The following CCNH variants were observed in gnomAD, a reference collection of about 807,000 sequenced individuals.
CCNH encodes cyclin H, also known as cyclin-H.
CCNH carries 31 observed loss-of-function variants against 41.9 expected under a neutral mutation model. The ratio of observed to expected loss-of-function variants is 0.74; its 90% CI spans 0.56 to 1.00. CCNH has a LOEUF of 1.00. CCNH is among the 50% of genes least tolerant of loss of function. The probability of loss-of-function intolerance (pLI) is 0.00; values close to 1 mark genes in which losing one functional copy is unlikely to be tolerated. For missense variants in CCNH, 362 were observed against 388.4 expected (o/e 0.93, Z 0.57); for synonymous variants, 138 against 136.1 (o/e 1.01, Z -0.10).
intron 9 of CCNH, among the ~76,000 whole-genome samples, chr5:87,369,552 T>G (rs1760777907): frequency 6.6e-6 from 1 of 152,122 alleles, no homozygotes; most frequent in African/African-American, 2.4e-5. Context: ...GTAACTTTAT[T>G]TCTAATGTAT....
chr5:87,394,638 T>C (rs1762774463), intron 8 of CCNH, 154 bp from the exon 9 acceptor site: 3 of 1,450,528 alleles, frequency 2.1e-6, no homozygotes, highest in Admixed American at 2.6e-5. Flanking sequence ...CTGTTAGTAA[T>C]GTTGGCATGG....
At chr5:87,359,028 AATTT>A (rs966520079) in intron 9 of CCNH, among the ~76,000 whole-genome samples, 2 of 152,160 alleles carry the variant, frequency 1.3e-5, no homozygotes, top group Admixed American at 6.6e-5. Flanking sequence ...CATGTAGTAC[AATTT>A]ATTTATTTAT....
intron 5 of CCNH, among the ~76,000 whole-genome samples, chr5:87,403,973 T>A (rs893939020): frequency 3.9e-5 from 6 of 152,240 alleles, no homozygotes; most frequent in Non-Finnish European, 2.9e-5. Flanking sequence ...AGTGGAGATA[T>A]AAATCACTTT....
At chr5:87,326,947 A>C (rs927436329) in intron 9 of CCNH, among the ~76,000 whole-genome samples, 2 of 152,194 alleles carry the variant, frequency 1.3e-5, no homozygotes, top group Admixed American at 6.5e-5. Context: ...GGTAATTGAG[A>C]CTAAGATGAT....
chr5:87,374,246 G>T, downstream of CCNH: 2 of 1,599,144 alleles, frequency 1.3e-6, no homozygotes, highest in South Asian at 1.1e-5. Flanking sequence ...ACATCTACCT[G>T]AATAGTGTCC....
At chr5:87,338,806 T>C (rs191452840) in intron 9 of CCNH, among the ~76,000 whole-genome samples, 11 of 151,966 alleles carry the variant, frequency 7.2e-5, no homozygotes, top group Admixed American at 6.6e-4. Flanking sequence ...AATATATATA[T>C]AATTTTCCAG....
intron 9 of CCNH, among the ~76,000 whole-genome samples, chr5:87,363,829 C>T (rs1007018171): frequency 6.6e-6 from 1 of 151,876 alleles, no homozygotes; most frequent in African/African-American, 2.4e-5. Flanking sequence ...CTCAGTGTAC[C>T]CAAGAGTACT....
chr5:87,348,519 A>G (rs943196311), intron 9 of CCNH, among the ~76,000 whole-genome samples: 2 of 152,020 alleles, frequency 1.3e-5, no homozygotes, highest in Non-Finnish European at 2.9e-5. Flanking sequence ...GAGCATACCT[A>G]TTGAATAAAA....
intron 9 of CCNH, among the ~76,000 whole-genome samples, chr5:87,359,489 G>T (rs565838039): frequency 1.5e-4 from 23 of 152,120 alleles, no homozygotes; most frequent in African/African-American, 5.5e-4. Context: ...ACTTTAATAT[G>T]ATTTTTAAAA....
At chr5:87,389,340 C>CAAAA (rs368043768), downstream of CCNH, 1 of 1,575,114 alleles carries the variant, frequency 6.3e-7, no homozygotes, top group African/African-American at 1.4e-5. Context: ...TCAAAAAAAA[C>CAAAA]AAAAAAAAAG....
chr5:87,351,617 T>C (rs1759284302), intron 9 of CCNH, among the ~76,000 whole-genome samples: 1 of 151,876 alleles, frequency 6.6e-6, no homozygotes, highest in African/African-American at 2.4e-5. Context: ...TTTTCTGAGA[T>C]GTAAATCTGT....
intron 7 of CCNH, among the ~76,000 whole-genome samples, chr5:87,399,045 G>T (rs2112555421): frequency 6.6e-6 from 1 of 151,716 alleles, no homozygotes; most frequent in African/African-American, 2.4e-5. Flanking sequence ...GAGCATATTT[G>T]TTCCTCAGAC....
At chr5:87,410,130 C>G (rs1370777246) in intron 2 of CCNH, among the ~76,000 whole-genome samples, 19 of 152,098 alleles carry the variant, frequency 1.2e-4, no homozygotes, top group Admixed American at 1.2e-3. Context: ...AACCACTTAT[C>G]TATTTTATGA....
chr5:87,403,304 AG>A (rs910863392), intron 5 of CCNH, among the ~76,000 whole-genome samples: 40 of 152,226 alleles, frequency 2.6e-4, no homozygotes, highest in African/African-American at 9.6e-4. Context: ...AAGGAGCCAA[AG>A]GTATGGCAAT....
At chr5:87,346,050 T>C (rs1271140574) in intron 9 of CCNH, among the ~76,000 whole-genome samples, 1 of 152,110 alleles carries the variant, frequency 6.6e-6, no homozygotes, top group Admixed American at 6.6e-5. Flanking sequence ...TGATGCCTTT[T>C]ATAATAATTT....
Position 87,338,596 on chromosome 5 carries a change from G to A in CCNH, c.*91-19699C>T, listed in dbSNP as rs968026318. 4.2e-5 allele frequency among the ~76,000 whole-genome samples: 6 copies of A among 142,464 alleles called. No individual in the cohort carries two copies. The East Asian group carries it at 1.0e-3, about 25-fold the overall frequency. The allele number at this position is 142,464 out of a possible 152,430, so 93.5% of individuals were successfully genotyped here. On this transcript the variant is annotated intron_variant and NMD_transcript_variant, in intron 9 of 9. Coordinates refer to the CCNH transcript ENST00000645953. ...CATGTTGGCCAGGCTGGTCTCAAAC[G>A]CCTGACCTCAAGTGTTCCACCCGCC...
At chr5:87,378,564 A>G, upstream of CCNH, 1 of 1,576,306 alleles carries the variant, frequency 6.3e-7, no homozygotes, top group Non-Finnish European at 8.7e-7. Context: ...TTTAATAAGT[A>G]TTTTTGCAAA....
At chr5:87,350,093 A>G (rs374727423) in intron 9 of CCNH, among the ~76,000 whole-genome samples, 1 of 151,860 alleles carries the variant, frequency 6.6e-6, no homozygotes, top group Non-Finnish European at 1.5e-5. Context: ...AGTATTCTCT[A>G]TCTGAATTAG....
intron 9 of CCNH, among the ~76,000 whole-genome samples, chr5:87,319,243 C>T (rs555218101): frequency 2.0e-5 from 3 of 152,350 alleles, no homozygotes; most frequent in African/African-American, 7.2e-5. Flanking sequence ...TGGATCTACC[C>T]TTGTGGGGTC....
Sources: gnomAD v4.1 joint callset for allele counts (sites outside exome capture counted in the v4.1 genomes callset) on GRCh38, gnomAD v4.1.1 for gene constraint, MANE v1.5 for transcripts, NCBI Gene and HGNC (gene_info 2026-07-23, HGNC 2026-07-21) for gene names.